MTUS1: variants seen among roughly 807,000 people sequenced by gnomAD.
MTUS1 encodes the protein microtubule associated scaffold protein 1.
In MTUS1, 109 loss-of-function variants were observed where a neutral mutation model predicts 120.8. That is an observed-to-expected ratio of 0.90 (90% CI 0.77 to 1.06). The LOEUF is 1.06. Ranked by LOEUF, MTUS1 falls within the 50% of genes least tolerant of loss-of-function variation. The pLI is 0.00. For missense variants in MTUS1, 2,210 were observed against 1,486.3 expected (o/e 1.49, Z -8.01); for synonymous variants, 737 against 550.5 (o/e 1.34, Z -4.74).
intron 1 of MTUS1, among the ~76,000 whole-genome samples, chr8:17,775,828 G>C (rs6586648): frequency 0.97 from 147,378 of 152,308 alleles, 71,462 homozygotes; most frequent in East Asian, 1. Context: ...CCCCAGTGGG[G>C]GCCTAAAAAT....
At position 17,675,314 on chromosome 8, in the gene MTUS1, C is replaced by T. The variant is rs1027857783; in HGVS notation, c.2839-62G>A. 80 of 1,449,714 alleles carry T rather than the reference C, an allele frequency of 5.5e-5. No homozygotes were observed. In the African/African-American group the frequency reaches 9.4e-4, roughly 17 times the overall value. 89.8% of individuals were successfully genotyped at this position (1,449,714 alleles called of 1,614,324 possible). ...AGAGGGTCCCTTTCAGTAAGGTACA[C>T]ATTTGTTATCACTAGGAAAATGAGA... On this transcript the variant is annotated intron_variant, in intron 7 of 14. Coordinates refer to ENST00000693296, the MANE Select transcript of MTUS1 (RefSeq NM_001363059.2).
intron 3 of MTUS1, 69 bp from the exon 4 acceptor site, chr8:17,723,902 G>A (rs577477407): frequency 6.0e-6 from 8 of 1,340,956 alleles, no homozygotes; most frequent in East Asian, 2.3e-5. Context: ...TTTTAAGCCT[G>A]TAAACTCAAA....
rs1341023569 is a variant in MTUS1 at position 17,754,597 on chromosome 8, T to C, written c.1211A>G (p.Lys404Arg). Reference protein sequence around the residue: ...ELILSSPPGQKVGSSFGLTWD... With the variant: ...ELILSSPPGQRVGSSFGLTWD... ...AGTCAGTCCAAATGACGAGCCCACC[T>C]TTTGTCCTGGCGGGCTACTTAGAAT... is the stretch of plus-strand genomic sequence containing the variant. Residue 404 changes from lysine (K) to arginine (R), a missense_variant, in exon 2 of 15, where the codon AAG becomes AGG. Transcript: ENST00000693296. 8 of 1,614,096 alleles carry C rather than the reference T, an allele frequency of 5.0e-6. No individual in the cohort carries two copies. The Admixed American group carries it at 6.7e-5, about 13-fold the overall frequency.
chr8:17,757,494 G>A (rs572945817), intron 1 of MTUS1, among the ~76,000 whole-genome samples: 8 of 152,240 alleles, frequency 5.3e-5, no homozygotes, highest in East Asian at 3.9e-4. Flanking sequence ...AAACACCCAC[G>A]AAAGCATTTA....
At chr8:17,676,382 T>C (rs543635493) in intron 7 of MTUS1, 109 of 701,782 alleles carry the variant, frequency 1.6e-4, no homozygotes, top group Middle Eastern at 1.3e-3. Flanking sequence ...GCAAGAAGCA[T>C]ACAGGTGGCC....
At chr8:17,749,306 A>T (rs113193679) in intron 2 of MTUS1, among the ~76,000 whole-genome samples, 2,617 of 152,138 alleles carry the variant, frequency 0.017, 32 homozygotes, top group South Asian at 0.053. Context: ...CCTTATCTTA[A>T]CCCAGACATT....
chr8:17,742,261 GC>G (rs1278591521), intron 3 of MTUS1, among the ~76,000 whole-genome samples: 14 of 142,886 alleles, frequency 9.8e-5, no homozygotes, highest in African/African-American at 3.7e-4. Flanking sequence ...ATGCTCTCAT[GC>G]CCAGCTGTTT....
intron 14 of MTUS1, 147 bp downstream of exon 14, chr8:17,646,835 A>G (rs532341460): frequency 6.3e-6 from 4 of 635,736 alleles, no homozygotes; most frequent in African/African-American, 3.7e-5. Context: ...TACTACAATC[A>G]TATTTTCCAC....
At chr8:17,666,741 T>G (rs1468234653) in intron 8 of MTUS1, among the ~76,000 whole-genome samples, 1 of 152,166 alleles carries the variant, frequency 6.6e-6, no homozygotes, top group African/African-American at 2.4e-5. Context: ...GGAAGAGGGA[T>G]CACCTTCCCC....
intron 1 of MTUS1, among the ~76,000 whole-genome samples, chr8:17,795,061 A>G (rs1051280416): frequency 2.0e-5 from 3 of 152,246 alleles, no homozygotes; most frequent in Non-Finnish European, 2.9e-5. Flanking sequence ...AATAAGGTGA[A>G]GAAATATTGA....
At chr8:17,651,122 C>CTAA (rs1395672768) in intron 12 of MTUS1, among the ~76,000 whole-genome samples, 1 of 151,300 alleles carries the variant, frequency 6.6e-6, no homozygotes, top group Non-Finnish European at 1.5e-5. Context: ...AGGGCAGGGA[C>CTAA]TAATACATCT....
chr8:17,651,994 A>C (rs1807103274), intron 12 of MTUS1, among the ~76,000 whole-genome samples: 1 of 152,186 alleles, frequency 6.6e-6, no homozygotes. Flanking sequence ...AATGTTATCA[A>C]ATAGCTAGAG....
chr8:17,698,771 T>G (rs750906142), intron 6 of MTUS1, among the ~76,000 whole-genome samples: 1 of 151,972 alleles, frequency 6.6e-6, no homozygotes, highest in Non-Finnish European at 1.5e-5. Flanking sequence ...ATTTTAGAGG[T>G]TGTCAGCAAG....
At chr8:17,751,157 A>C (rs1345011494) in intron 2 of MTUS1, among the ~76,000 whole-genome samples, 1 of 152,156 alleles carries the variant, frequency 6.6e-6, no homozygotes, top group Non-Finnish European at 1.5e-5. Flanking sequence ...TCTCTAATAA[A>C]AATACAAAAA....
At chr8:17,666,918 C>G (rs986804393) in intron 8 of MTUS1, among the ~76,000 whole-genome samples, 1 of 152,120 alleles carries the variant, frequency 6.6e-6, no homozygotes, top group African/African-American at 2.4e-5. Flanking sequence ...CCCAGCCAAC[C>G]AAGTCAGAAG....
chr8:17,764,311 G>A (rs896993661), intron 1 of MTUS1, among the ~76,000 whole-genome samples: 1 of 151,070 alleles, frequency 6.6e-6, no homozygotes, highest in African/African-American at 2.4e-5. Context: ...CTTACTCACT[G>A]ATATTGTTCA....
intron 3 of MTUS1, among the ~76,000 whole-genome samples, chr8:17,736,899 T>C (rs2046971328): frequency 6.6e-6 from 1 of 152,162 alleles, no homozygotes; most frequent in Admixed American, 6.5e-5. Flanking sequence ...CTCTTTTATT[T>C]TTGGATTCAT....
chr8:17,786,339 C>A (rs1202416301), intron 1 of MTUS1, among the ~76,000 whole-genome samples: 1 of 152,070 alleles, frequency 6.6e-6, no homozygotes, highest in Non-Finnish European at 1.5e-5. Context: ...ACAGTCCTCA[C>A]CCGCTGCCAT....
At chr8:17,734,585 G>A (rs1290459084) in intron 3 of MTUS1, among the ~76,000 whole-genome samples, 1 of 152,156 alleles carries the variant, frequency 6.6e-6, no homozygotes, top group African/African-American at 2.4e-5. Flanking sequence ...TTCAGGTGGG[G>A]ATTAAACAAA....
Sources: allele counts gnomAD v4.1 joint callset (sites outside exome capture counted in the v4.1 genomes callset), GRCh38; gene constraint gnomAD v4.1.1; transcripts MANE v1.5; gene names NCBI Gene and HGNC (gene_info 2026-07-23, HGNC 2026-07-21).